GUCY1A2: variants seen among roughly 807,000 people sequenced by gnomAD.
GUCY1A2 encodes guanylate cyclase soluble subunit alpha-2.
A neutral mutation model predicts 63.5 loss-of-function variants in GUCY1A2; 27 were observed. The ratio of observed to expected loss-of-function variants is 0.43; its 90% CI spans 0.31 to 0.59. The LOEUF (loss-of-function observed/expected upper bound fraction) is 0.59, where lower values mean the gene tolerates loss of function less well. Among genes scored for constraint, GUCY1A2 ranks in the 20% least tolerant of loss-of-function variants. The pLI, the probability that GUCY1A2 is intolerant of heterozygous loss-of-function variation, is 0.11. For missense variants in GUCY1A2, 768 were observed against 913.3 expected, an observed-to-expected ratio of 0.84 and a Z score of 2.05; for synonymous variants, 364 against 343.5, an observed-to-expected ratio of 1.06 and a Z score of -0.66.
intron 6 of GUCY1A2, among the ~76,000 whole-genome samples, chr11:106,766,876 G>A (rs1864173449): frequency 1.3e-5 from 2 of 152,054 alleles, no homozygotes; most frequent in South Asian, 4.1e-4. Flanking sequence ...AAGATAATGG[G>A]CTAACCTACT....
chr11:107,003,018 T>A (rs749545465), intron 1 of GUCY1A2, among the ~76,000 whole-genome samples: 19 of 152,162 alleles, frequency 1.2e-4, no homozygotes, highest in Non-Finnish European at 2.5e-4. Context: ...ACCCTATCCT[T>A]GATCAAGTCT....
At chr11:106,980,230 G>C (rs1011299475) in intron 2 of GUCY1A2, among the ~76,000 whole-genome samples, 1 of 152,222 alleles carries the variant, frequency 6.6e-6, no homozygotes, top group Non-Finnish European at 1.5e-5. Context: ...AGGCAAGCTT[G>C]AGTTGTCTGG....
chr11:106,704,081 G>A (rs541037287), intron 7 of GUCY1A2, among the ~76,000 whole-genome samples: 1 of 152,130 alleles, frequency 6.6e-6, no homozygotes, highest in African/African-American at 2.4e-5. Context: ...TCAGCTCTTA[G>A]TCACAGCTCA....
intron 4 of GUCY1A2, among the ~76,000 whole-genome samples, chr11:106,863,658 T>C (rs201032892): frequency 6.9e-6 from 1 of 145,782 alleles, no homozygotes; most frequent in African/African-American, 2.5e-5. Context: ...AGTAGTTTTT[T>C]CTAATTCTGT....
intron 4 of GUCY1A2, among the ~76,000 whole-genome samples, chr11:106,826,044 G>A (rs2135433386): frequency 1.3e-5 from 2 of 152,194 alleles, no homozygotes; most frequent in Middle Eastern, 3.4e-3. Flanking sequence ...ATTTCACAAA[G>A]AATGGTTCTA....
chr11:106,912,353 T>A (rs1860306775), intron 4 of GUCY1A2, among the ~76,000 whole-genome samples: 1 of 152,102 alleles, frequency 6.6e-6, no homozygotes, highest in Admixed American at 6.6e-5. Flanking sequence ...ATTTCATGGA[T>A]CTTTCCAGCA....
At chr11:106,764,062 A>G (rs1157244358) in intron 6 of GUCY1A2, among the ~76,000 whole-genome samples, 44 of 152,008 alleles carry the variant, frequency 2.9e-4, no homozygotes, top group Admixed American at 2.8e-3. Flanking sequence ...AGAAGTGTAT[A>G]TTTCAATATT....
chr11:106,724,503 A>G (rs936704671), intron 6 of GUCY1A2, among the ~76,000 whole-genome samples: 6 of 152,148 alleles, frequency 3.9e-5, no homozygotes, highest in Non-Finnish European at 8.8e-5. Context: ...TCCTGTTTAC[A>G]CAGGAGGAAG....
intron 1 of GUCY1A2, among the ~76,000 whole-genome samples, chr11:107,001,225 AATTATAAGT>A (rs1339252498): frequency 1.3e-5 from 2 of 152,222 alleles, no homozygotes; most frequent in Non-Finnish European, 2.9e-5. Flanking sequence ...GGGGATATAG[AATTATAAGT>A]ATTTTCCCCA....
chr11:106,811,113 T>A, intron 4 of GUCY1A2, among the ~76,000 whole-genome samples: 1 of 151,862 alleles, frequency 6.6e-6, no homozygotes. Flanking sequence ...AAGCTAAAAA[T>A]AAATGAAAAA....
At chr11:106,705,423 G>T (rs1862891400) in intron 7 of GUCY1A2, among the ~76,000 whole-genome samples, 2 of 152,128 alleles carry the variant, frequency 1.3e-5, no homozygotes, top group South Asian at 2.1e-4. Context: ...AACATGGATA[G>T]ATCTTAAAAG....
At position 106,679,995 on chromosome 11, in the gene GUCY1A2, T is replaced by C. The variant is rs2135326410; in HGVS notation, c.*7554A>G. The stretch of plus-strand genomic sequence containing the variant: ...TTTCTCTTTTCTTTTTAAAAATGAG[T>C]GACCAGTAGTCAAATAAATCATGTG... On this transcript the variant is annotated 3_prime_UTR_variant, in exon 8 of 8. Coordinates refer to ENST00000526355, the MANE Select transcript of GUCY1A2 (RefSeq NM_000855.3). 4.6e-6 allele frequency: 1 copy of C among 217,124 alleles called. No individual in the cohort carries two copies. The highest frequency in any genetic ancestry group is 2.2e-5 in the African/African-American group (1 of 44,546). The allele number at this position is 217,124 out of a possible 1,614,324, so 13.4% of individuals were successfully genotyped here. A position where few individuals can be genotyped will look rare whatever the true frequency, so the allele number is the denominator to read the frequency against.
chr11:106,697,659 A>T (rs1862743247), intron 7 of GUCY1A2, among the ~76,000 whole-genome samples: 2 of 152,198 alleles, frequency 1.3e-5, no homozygotes, highest in Non-Finnish European at 2.9e-5. Flanking sequence ...ATTTAAAACG[A>T]TATAGAGGCT....
chr11:106,903,579 T>A (rs900998601), intron 4 of GUCY1A2, among the ~76,000 whole-genome samples: 17 of 152,180 alleles, frequency 1.1e-4, no homozygotes, highest in East Asian at 1.9e-4. Context: ...TGGGGTTTTT[T>A]AAAATGATTT....
chr11:106,852,032 T>C (rs2135451186), intron 4 of GUCY1A2, among the ~76,000 whole-genome samples: 1 of 152,084 alleles, frequency 6.6e-6, no homozygotes, highest in East Asian at 1.9e-4. Context: ...CTTTAATCAG[T>C]GTTTTATAGT....
chr11:106,741,878 A>T (rs888609188), intron 6 of GUCY1A2, among the ~76,000 whole-genome samples: 1 of 152,194 alleles, frequency 6.6e-6, no homozygotes, highest in Admixed American at 6.5e-5. Flanking sequence ...TAATCTAGAT[A>T]ATTACTTCAT....
At position 106,761,807 on chromosome 11, in the gene GUCY1A2, G is replaced by A. The variant is rs192503621; in HGVS notation, c.1836+14632C>T. Among the ~76,000 whole-genome samples, 17 of 152,128 alleles carry A rather than the reference G, an allele frequency of 1.1e-4. No homozygotes were observed. The East Asian group carries it at 3.3e-3, about 29-fold the overall frequency. On this transcript the variant is annotated intron_variant, in intron 6 of 7. Transcript: ENST00000526355. ...AATATGGTATGACTCTTGCTTCCCTGGACAGGCCTTCTTAACCACAAAGTA... is the reference window on the plus strand; with the variant it reads ...AATATGGTATGACTCTTGCTTCCCTAGACAGGCCTTCTTAACCACAAAGTA...
intron 1 of GUCY1A2, among the ~76,000 whole-genome samples, chr11:107,012,309 T>G (rs1030891511): frequency 1.3e-5 from 2 of 150,864 alleles, no homozygotes; most frequent in African/African-American, 4.9e-5. Flanking sequence ...TTCTATAAAC[T>G]TTTCCAATTA....
At chr11:106,953,106 C>A (rs377000788) in intron 3 of GUCY1A2, among the ~76,000 whole-genome samples, 19 of 152,238 alleles carry the variant, frequency 1.2e-4, no homozygotes, top group African/African-American at 4.6e-4. Flanking sequence ...TTGTCTTGTA[C>A]CAGTTTTTAA....
Sources: allele counts gnomAD v4.1 joint callset (sites outside exome capture counted in the v4.1 genomes callset), GRCh38; gene constraint gnomAD v4.1.1; transcripts MANE v1.5; gene names NCBI Gene and HGNC (gene_info 2026-07-23, HGNC 2026-07-21).